PIK3CA: variants seen among roughly 807,000 people sequenced by gnomAD.
PIK3CA encodes phosphatidylinositol 4,5-bisphosphate 3-kinase catalytic subunit alpha isoform.
PIK3CA carries 27 observed loss-of-function variants against 138.2 expected under a neutral mutation model. The ratio of observed to expected loss-of-function variants is 0.20; its 90% confidence interval spans 0.14 to 0.27. PIK3CA has a LOEUF of 0.27. Among genes scored for constraint, PIK3CA ranks in the 10% least tolerant of loss-of-function variants. The probability of loss-of-function intolerance (pLI) is 1.00; values close to 1 mark genes in which losing one functional copy is unlikely to be tolerated. For missense variants in PIK3CA, 544 were observed against 1,277.4 expected (o/e 0.43, Z 8.75); for synonymous variants, 358 against 413.2 (o/e 0.87, Z 1.62).
chr3:179,200,657 A>G (rs1724387814), intron 3 of PIK3CA, among the ~76,000 whole-genome samples: 1 of 152,174 alleles, frequency 6.6e-6, no homozygotes, highest in South Asian at 2.1e-4. Flanking sequence ...TTTCCCGAAC[A>G]TTCTTTGTGA....
intron 18 of PIK3CA, 58 bp from the exon 19 acceptor site, chr3:179,229,946 C>A: frequency 1.8e-6 from 2 of 1,099,876 alleles, no homozygotes; most frequent in South Asian, 1.6e-5. Context: ...TTTCTTTTCT[C>A]AAGTTGGCCT....
In PIK3CA at chr3:179,179,112, A is replaced by G. The variant is rs141143651; in HGVS notation, c.-76-19638A>G. ...TTCCCAGACACCAAGCCAGCCTTGCAAACAGGCTTTTTTAAGGATAAGCAT... is the reference window on the plus strand; with the variant it reads ...TTCCCAGACACCAAGCCAGCCTTGCGAACAGGCTTTTTTAAGGATAAGCAT... On this transcript the variant is annotated intron_variant, in intron 1 of 20. Coordinates refer to ENST00000263967, the MANE Select transcript of PIK3CA (RefSeq NM_006218.4). Among the ~76,000 whole-genome samples, 3 of 152,352 alleles carry G rather than the reference A, an allele frequency of 2.0e-5. No individual in the cohort carries two copies. In the East Asian group the frequency reaches 5.8e-4, roughly 29 times the overall value.
At position 179,183,624 on chromosome 3, in the gene PIK3CA, A is replaced by G. The variant is rs368770780; in HGVS notation, c.-76-15126A>G. ...CATTCTGTGCTTTATATCTATTTGT[A>G]AGAATACCAATAATATATCAATATG... On this transcript the variant is annotated intron_variant, in intron 1 of 20. Transcript: ENST00000263967. Among the ~76,000 whole-genome samples the G allele has an allele frequency of 3.3e-4, 50 of 152,332 alleles. No individual in the cohort carries two copies. The East Asian group carries it at 4.2e-3, about 13-fold the overall frequency.
At chr3:179,222,356 T>C (rs1294792423) in intron 14 of PIK3CA, among the ~76,000 whole-genome samples, 2 of 152,200 alleles carry the variant, frequency 1.3e-5, no homozygotes, top group Non-Finnish European at 2.9e-5. Flanking sequence ...AATTGTACTC[T>C]TTCTGATACT....
chr3:179,214,675 G>A (rs1402422302), intron 9 of PIK3CA, among the ~76,000 whole-genome samples: 24 of 152,130 alleles, frequency 1.6e-4, no homozygotes, highest in Admixed American at 1.6e-3. Flanking sequence ...TTTACATAGG[G>A]ATACCACCAC....
At chr3:179,158,265 T>A (rs1723188254) in intron 1 of PIK3CA, among the ~76,000 whole-genome samples, 1 of 152,096 alleles carries the variant, frequency 6.6e-6, no homozygotes, top group African/African-American at 2.4e-5. Context: ...TCATACCTAC[T>A]CCTAAGGGAA....
chr3:179,207,664 C>T (rs541933010), intron 6 of PIK3CA, among the ~76,000 whole-genome samples: 4 of 151,358 alleles, frequency 2.6e-5, no homozygotes, highest in African/African-American at 4.8e-5. Context: ...GAGTTACAGG[C>T]GCCCACCACC....
rs962110649 is a variant in PIK3CA at position 179,234,894 on chromosome 3, G to T, written c.*530G>T. 6 of 228,220 alleles carry T rather than the reference G, an allele frequency of 2.6e-5. No individual in the cohort carries two copies. The highest frequency in any genetic ancestry group is 5.7e-5 in the Admixed American group (1 of 17,564). 14.1% of individuals were successfully genotyped at this position (228,220 alleles called of 1,614,324 possible). ...TATAGTTTGAAGTGGGTTTTTGACT[G>T]CTTGTTTAATGAAGAAAAATGCTTG... On this transcript the variant is annotated 3_prime_UTR_variant, in exon 21 of 21. Coordinates refer to ENST00000263967, the MANE Select transcript of PIK3CA (RefSeq NM_006218.4). This position sits in a 1 kb window ranked among gnomAD's most constrained non-coding sequence, Gnocchi z 5.1.
chr3:179,196,703 T>C (rs1278916667), intron 1 of PIK3CA, among the ~76,000 whole-genome samples: 1 of 152,224 alleles, frequency 6.6e-6, no homozygotes, highest in Non-Finnish European at 1.5e-5. Context: ...TAATTATTTG[T>C]TTGCAACCAA....
chr3:179,217,721 CTTT>C (rs1724869399), intron 9 of PIK3CA, among the ~76,000 whole-genome samples: 1 of 151,946 alleles, frequency 6.6e-6, no homozygotes, highest in African/African-American at 2.4e-5. Context: ...TTTCTTCATT[CTTT>C]TTTTCTTACT....
intron 1 of PIK3CA, among the ~76,000 whole-genome samples, chr3:179,179,847 A>G (rs1462792545): frequency 6.6e-6 from 1 of 152,212 alleles, no homozygotes; most frequent in Non-Finnish European, 1.5e-5. Context: ...TGGAATTATC[A>G]GCCAAGTTTA....
At chr3:179,178,642 G>T (rs1253268187) in intron 1 of PIK3CA, among the ~76,000 whole-genome samples, 1 of 152,088 alleles carries the variant, frequency 6.6e-6, no homozygotes, top group Non-Finnish European at 1.5e-5. Context: ...TCATCCCTAG[G>T]TTCCATGGTT....
intron 9 of PIK3CA, among the ~76,000 whole-genome samples, chr3:179,214,202 T>C (rs771432356): frequency 6.6e-6 from 1 of 152,210 alleles, no homozygotes; most frequent in Non-Finnish European, 1.5e-5. Flanking sequence ...CATTCACAAC[T>C]TAGCTGTTTG....
chr3:179,184,967 A>G (rs1464796268), intron 1 of PIK3CA, among the ~76,000 whole-genome samples: 3 of 152,202 alleles, frequency 2.0e-5, no homozygotes, highest in African/African-American at 7.2e-5. Context: ...ACAAGTCCCT[A>G]TGGTGACTAA....
chr3:179,186,656 C>T (rs750140797), intron 1 of PIK3CA, among the ~76,000 whole-genome samples: 1 of 152,044 alleles, frequency 6.6e-6, no homozygotes, highest in African/African-American at 2.4e-5. Context: ...GACAATGAGC[C>T]CTATTTTTTT....
intron 1 of PIK3CA, among the ~76,000 whole-genome samples, chr3:179,181,462 C>G (rs989360922): frequency 6.6e-6 from 1 of 151,958 alleles, no homozygotes; most frequent in Admixed American, 6.6e-5. Flanking sequence ...GTATTATAAA[C>G]CCAGTTGTAA....
At chr3:179,204,630 G>T in intron 6 of PIK3CA, 42 bp downstream of exon 6, 1 of 943,128 alleles carries the variant, frequency 1.1e-6, no homozygotes, top group Non-Finnish European at 1.7e-6. Flanking sequence ...GGTTATATTA[G>T]TGTTTAGCAG....
intron 1 of PIK3CA, among the ~76,000 whole-genome samples, chr3:179,192,701 A>T (rs967644229): frequency 6.6e-6 from 1 of 152,232 alleles, no homozygotes; most frequent in African/African-American, 2.4e-5. Context: ...GTGCAAAAGT[A>T]TTGTTGACAT....
At chr3:179,208,963 A>G (rs1724636768) in intron 6 of PIK3CA, among the ~76,000 whole-genome samples, 1 of 147,472 alleles carries the variant, frequency 6.8e-6, no homozygotes, top group Non-Finnish European at 1.5e-5. Context: ...TTTGACTTTT[A>G]TGAGCAAAAT....
Sources: gnomAD v4.1 joint callset for allele counts (sites outside exome capture counted in the v4.1 genomes callset) on GRCh38, gnomAD v4.1.1 for gene constraint, Gnocchi (gnomAD v3.1) non-coding constraint, MANE v1.5 for transcripts, NCBI Gene and HGNC (gene_info 2026-07-23, HGNC 2026-07-21) for gene names.